The following BMPER variants were observed in gnomAD, a reference collection of about 807,000 sequenced individuals.
The protein encoded by BMPER is BMP-binding endothelial regulator protein.
A neutral mutation model predicts 87.3 loss-of-function variants in BMPER; 45 were observed. The observed-to-expected ratio is 0.52, with a 90% CI of 0.41 to 0.66. The LOEUF (loss-of-function observed/expected upper bound fraction) is 0.66. Ranked by LOEUF, BMPER falls within the 30% of genes least tolerant of loss-of-function variation. The probability of loss-of-function intolerance (pLI) is 0.00; values close to 1 mark genes in which losing one functional copy is unlikely to be tolerated. For synonymous variants in BMPER, 326 were observed against 316.2 expected (o/e 1.03, Z -0.33); for missense variants, 784 against 867.5 (o/e 0.90, Z 1.21).
At chr7:34,079,525 G>A (rs1788957087) in intron 12 of BMPER, among the ~76,000 whole-genome samples, 1 of 152,106 alleles carries the variant, frequency 6.6e-6, no homozygotes, top group Admixed American at 6.5e-5. Flanking sequence ...AAGTTTTGTT[G>A]CTCTTTTAGG....
chr7:34,012,614 G>A (rs1786912738), intron 6 of BMPER, among the ~76,000 whole-genome samples: 1 of 151,758 alleles, frequency 6.6e-6, no homozygotes, highest in African/African-American at 2.4e-5. Flanking sequence ...GGGTGAGATG[G>A]AGAGGTATAC....
At chr7:34,006,947 C>G (rs1786751117) in intron 6 of BMPER, among the ~76,000 whole-genome samples, 2 of 152,056 alleles carry the variant, frequency 1.3e-5, no homozygotes, top group Non-Finnish European at 2.9e-5. Context: ...TCTCATTCAC[C>G]TATTTCAAAG....
intron 5 of BMPER, among the ~76,000 whole-genome samples, chr7:33,974,317 T>C (rs1485452108): frequency 6.6e-6 from 1 of 152,116 alleles, no homozygotes; most frequent in Admixed American, 6.5e-5. Flanking sequence ...TGTCATCTGC[T>C]CCAAGCCCAT....
rs750265350 is a variant in BMPER, at chr7:33,966,531, G to A, written c.372G>A (p.Pro124=). 5.3e-5 allele frequency: 86 copies of A among 1,613,672 alleles called. No individual in the cohort carries two copies. The South Asian group carries it at 7.8e-4, about 15-fold the overall frequency. The part of the protein sequence containing the change: ...TYNSSFKWQS[P]AEPCVLRQCQ... ...ACAGCTCCTTCAAATGGCAGAGCCC[G>A]GCTGAGCCTTGTGTTCTACGCCAGT... The change falls in exon 4 of 15, where the codon CCG becomes CCA. Residue 124 remains proline (P), a synonymous_variant. Transcript: ENST00000649409.
intron 6 of BMPER, among the ~76,000 whole-genome samples, chr7:34,023,623 T>G (rs1365422906): frequency 6.6e-6 from 1 of 152,078 alleles, no homozygotes; most frequent in Non-Finnish European, 1.5e-5. Context: ...GGCCTAAATG[T>G]ATGAACTCCA....
At chr7:34,126,290 G>A (rs999742299) in intron 13 of BMPER, among the ~76,000 whole-genome samples, 2 of 152,198 alleles carry the variant, frequency 1.3e-5, no homozygotes, top group African/African-American at 2.4e-5. Context: ...TAGTGAGCTA[G>A]GGCTTCTAAA....
At position 34,052,525 on chromosome 7, in the gene BMPER, C is replaced by T. The variant is rs149920150; in HGVS notation, c.786+555C>T. 3.1e-4 allele frequency among the ~76,000 whole-genome samples: 47 copies of T among 152,328 alleles called. No homozygotes were observed. The East Asian group carries it at 8.5e-3, about 28-fold the overall frequency. ...AGCTTCAGAATTTTAAAGGGACACA[C>T]ATCACACATTCATAGACTGTACTTA... On this transcript the variant is annotated intron_variant, in intron 8 of 14. Coordinates refer to ENST00000649409, the MANE Select transcript of BMPER (RefSeq NM_001365308.1).
chr7:33,966,857 T>C (rs1287406883), intron 4 of BMPER, among the ~76,000 whole-genome samples: 3 of 152,240 alleles, frequency 2.0e-5, no homozygotes, highest in Non-Finnish European at 4.4e-5. Context: ...AATTCATGTC[T>C]TCCTGTGAAG....
At position 33,914,483 on chromosome 7, in the gene BMPER, C is replaced by T. The variant is rs565620787; in HGVS notation, c.219+7580C>T. The stretch of plus-strand genomic sequence containing the variant: ...ATGTCATAGACACTGTAGGAAGAGA[C>T]GGGGTCATGTGGGTGGGTGGGTAGT... On this transcript the variant is annotated intron_variant, in intron 2 of 14. Coordinates refer to ENST00000649409, the MANE Select transcript of BMPER (RefSeq NM_001365308.1). Among the ~76,000 whole-genome samples, 72 of 150,270 alleles carry T rather than the reference C, an allele frequency of 4.8e-4. 3 individuals are homozygous for T. In the South Asian group the frequency reaches 0.015, roughly 31 times the overall value.
intron 11 of BMPER, among the ~76,000 whole-genome samples, chr7:34,065,335 G>A (rs998461698): frequency 6.6e-6 from 1 of 151,284 alleles, no homozygotes; most frequent in South Asian, 2.1e-4. Context: ...CTGTCGTGGG[G>A]CTGTCCTGTG....
intron 13 of BMPER, among the ~76,000 whole-genome samples, chr7:34,102,116 C>T (rs1789695976): frequency 1.4e-5 from 2 of 147,976 alleles, no homozygotes; most frequent in Admixed American, 6.9e-5. Flanking sequence ...TCAAGGTTTC[C>T]ATGAGGTCCC....
chr7:34,102,951 G>A lies in BMPER; in HGVS notation c.1745+16859G>A, dbSNP rs759377518. Among the ~76,000 whole-genome samples the A allele has an allele frequency of 7.9e-5, 12 of 152,310 alleles. No homozygotes were observed. In the East Asian group the frequency reaches 1.9e-3, roughly 25 times the overall value. On this transcript the variant is annotated intron_variant, in intron 13 of 14. Coordinates refer to ENST00000649409, the MANE Select transcript of BMPER (RefSeq NM_001365308.1). The stretch of plus-strand genomic sequence containing the variant: ...CCCTCTGGGATGAGGTGCCCTGTAA[G>A]CTGAGATCTGGAGGAAGTGAGGGAG...
rs191999296 is a variant in BMPER, at chr7:33,959,715, A to G, written c.320-6764A>G. Among the ~76,000 whole-genome samples the G allele has an allele frequency of 1.3e-3, 202 of 152,314 alleles. 1 individual carries two copies. The highest frequency in any genetic ancestry group is 6.8e-3 in the Middle Eastern group (2 of 294). ...AATTACATTAAAAATTCAAAAGCAT[A>G]TTTTATTGACTAGAATCCCAATTTA... On this transcript the variant is annotated intron_variant, in intron 3 of 14. Transcript: ENST00000649409.
chr7:34,136,904 A>C (rs927840342), intron 13 of BMPER, among the ~76,000 whole-genome samples: 19 of 152,196 alleles, frequency 1.2e-4, no homozygotes, highest in African/African-American at 4.6e-4. Context: ...CCAGTGGGTA[A>C]TACATCTGTC....
intron 2 of BMPER, among the ~76,000 whole-genome samples, chr7:33,909,424 A>C (rs1385647503): frequency 6.6e-6 from 1 of 152,124 alleles, no homozygotes; most frequent in African/African-American, 2.4e-5. Flanking sequence ...TTTTCTTTTG[A>C]GTCTTTCAGG....
chr7:34,124,631 T>C (rs576297927), intron 13 of BMPER, among the ~76,000 whole-genome samples: 9 of 152,286 alleles, frequency 5.9e-5, no homozygotes, highest in African/African-American at 2.2e-4. Flanking sequence ...TGTCCTTTAC[T>C]TTCTACAATC....
chr7:33,918,414 G>T (rs1784136760), intron 2 of BMPER, among the ~76,000 whole-genome samples: 1 of 152,208 alleles, frequency 6.6e-6, no homozygotes, highest in African/African-American at 2.4e-5. Flanking sequence ...GGCCTGTGGG[G>T]CTTGCAGCTT....
chr7:33,994,525 C>G (rs896429422), intron 6 of BMPER, among the ~76,000 whole-genome samples: 4 of 152,214 alleles, frequency 2.6e-5, no homozygotes, highest in Non-Finnish European at 4.4e-5. Context: ...CTGTCTGGCG[C>G]TCCCTAGTGA....
intron 11 of BMPER, among the ~76,000 whole-genome samples, chr7:34,063,144 T>G (rs767782196): frequency 6.6e-6 from 1 of 152,224 alleles, no homozygotes; most frequent in Non-Finnish European, 1.5e-5. Flanking sequence ...ACTGTCAAAT[T>G]AGTTCCCATG....
Sources: gnomAD v4.1 joint callset for allele counts (sites outside exome capture counted in the v4.1 genomes callset) on GRCh38, gnomAD v4.1.1 for gene constraint, MANE v1.5 for transcripts, NCBI Gene and HGNC (gene_info 2026-07-23, HGNC 2026-07-21) for gene names.